MBLAC1: variants seen among roughly 807,000 people sequenced by gnomAD.
The protein encoded by MBLAC1 is metallo-beta-lactamase domain-containing protein 1.
In MBLAC1, 1 loss-of-function variant was observed where a neutral mutation model predicts 1.5. That is an observed-to-expected ratio of 0.68 (90% CI 0.24 to 3.21). The LOEUF (loss-of-function observed/expected upper bound fraction) is 3.21, where lower values mean the gene tolerates loss of function less well. Ranked by LOEUF, MBLAC1 falls within the 30% of genes most tolerant of loss-of-function variation. The pLI is 0.20. For synonymous variants in MBLAC1, 197 were observed against 191.3 expected (o/e 1.03, Z -0.25); for missense variants, 371 against 384.7 (o/e 0.96, Z 0.30).
Position 100,128,429 on chromosome 7 carries a change from C to A in MBLAC1, c.*233C>A. ...CAGCTCCCTGTGCATTCTCCCTGGG[C>A]CTCAGTAAAATGGGAGAAGGTTCGT... On this transcript the variant is annotated 3_prime_UTR_variant, in exon 2 of 2. Transcript: ENST00000398075. The A allele has an allele frequency of 2.0e-6, 1 of 501,110 alleles. No homozygotes were observed. The highest frequency in any genetic ancestry group is 3.6e-6 in the Non-Finnish European group (1 of 277,168). 31.0% of individuals were successfully genotyped at this position (501,110 alleles called of 1,614,324 possible). A position where few individuals can be genotyped will look rare whatever the true frequency, so the allele number is the denominator to read the frequency against.
chr7:100,127,279 G>A lies in MBLAC1; in HGVS notation c.-28-89G>A. 1 of 995,802 alleles carries A rather than the reference G, an allele frequency of 1.0e-6. No homozygotes were observed. The highest frequency in any genetic ancestry group is 1.4e-6 in the Non-Finnish European group (1 of 698,728). 61.7% of individuals were successfully genotyped at this position (995,802 alleles called of 1,614,324 possible). A position where few individuals can be genotyped will look rare whatever the true frequency, so the allele number is the denominator to read the frequency against. On this transcript the variant is annotated intron_variant, in intron 1 of 1. Transcript: ENST00000398075. This position sits in a 1 kb window ranked among gnomAD's most constrained non-coding sequence, Gnocchi z 4.6. Reference sequence around the variant, plus strand: ...TGGGAGGCGGGTGGCAGAGAACCGAGGCTTAGGGGCAGTGGCGGGGCCGAG... The same window carrying A: ...TGGGAGGCGGGTGGCAGAGAACCGAAGCTTAGGGGCAGTGGCGGGGCCGAG...
At position 100,127,856 on chromosome 7, in the gene MBLAC1, C is replaced by T. The variant is rs1425344171; in HGVS notation, c.461C>T (p.Pro154Leu). The change falls in exon 2 of 2, where the codon CCC becomes CTC. Residue 154 changes from proline to leucine, a missense_variant. Physicochemically the swap from Pro to Leu is moderately conservative, Grantham distance 98. Transcript: ENST00000398075. This position sits in a 1 kb window ranked among gnomAD's most constrained non-coding sequence, Gnocchi z 4.6. ...CCCCACGGGCTGGGTGAGGGGCAGC[C>T]CCTGCGCCTGGGCCCGGGGCTCGAG... is the stretch of plus-strand genomic sequence containing the variant. ...YLPHGLGEGQ[P>L]LRLGPGLEVW... 2.6e-6 allele frequency: 4 copies of T among 1,559,834 alleles called. No individual in the cohort carries two copies. Among genetic ancestry groups the T allele is most frequent in the South Asian group, 2.3e-5 (2 of 85,460 alleles).
At position 100,128,204 on chromosome 7, in the gene MBLAC1, C is replaced by G; in HGVS notation, c.*8C>G. On this transcript the variant is annotated 3_prime_UTR_variant, in exon 2 of 2. Coordinates refer to ENST00000398075, the MANE Select transcript of MBLAC1 (RefSeq NM_203397.3). ...GAGCCCGCCCTGCACTAATCAGCCT[C>G]GAGAGGGACTGCACTCTTGTCAGGG... 2 of 1,571,188 alleles carry G rather than the reference C, an allele frequency of 1.3e-6. No individual in the cohort carries two copies. The highest frequency in any genetic ancestry group is 2.3e-5 in the South Asian group (2 of 85,638).
rs762515084 is a variant in MBLAC1 at position 100,127,805 on chromosome 7, T to G, written c.410T>G (p.Phe137Cys). Residue 137 changes from phenylalanine to cysteine, a missense_variant, in exon 2 of 2, where the codon TTC becomes TGC. Coordinates refer to ENST00000398075, the MANE Select transcript of MBLAC1 (RefSeq NM_203397.3). This position sits in a 1 kb window ranked among gnomAD's most constrained non-coding sequence, Gnocchi z 4.6. ...PGAALLVSHDFCLPGGRYLPH... is the reference protein window; with the variant it reads ...PGAALLVSHDCCLPGGRYLPH... ...GCGGCTCTGCTGGTCTCGCACGACT[T>G]CTGCCTTCCCGGAGGCCGCTACCTG... The G allele has an allele frequency of 1.3e-6, 2 of 1,580,280 alleles. No homozygotes were observed. The highest frequency in any genetic ancestry group is 8.6e-7 in the Non-Finnish European group (1 of 1,162,870).
Position 100,127,574 on chromosome 7 carries a change from A to G in MBLAC1, c.179A>G (p.Glu60Gly). 7.0e-7 allele frequency: 1 copy of G among 1,429,122 alleles called. No homozygotes were observed. The highest frequency in any genetic ancestry group is 1.5e-5 in the South Asian group (1 of 66,454). The allele number at this position is 1,429,122 out of a possible 1,614,324, so 88.5% of individuals were successfully genotyped here. ...CGGGGCCCGGCCTCCAGCCACCGAG[A>G]GTCCCCGCGCGGGAGTGGCGGCGCA... Reference protein sequence around the residue: ...QTRGPASSHRESPRGSGGAEA... With the variant: ...QTRGPASSHRGSPRGSGGAEA... The change falls in exon 2 of 2, where the codon GAG (glutamate) becomes GGG (glycine). Residue 60 changes from glutamate to glycine, a missense_variant. Transcript: ENST00000398075. This position sits in a 1 kb window ranked among gnomAD's most constrained non-coding sequence, Gnocchi z 4.6.
At position 100,127,993 on chromosome 7, in the gene MBLAC1, G is replaced by C. The variant is rs753136685; in HGVS notation, c.598G>C (p.Glu200Gln). 2 of 1,613,206 alleles carry C rather than the reference G, an allele frequency of 1.2e-6. No individual in the cohort carries two copies. Among genetic ancestry groups the C allele is most frequent in the Admixed American group, 1.7e-5 (1 of 59,904 alleles). The change falls in exon 2 of 2, where the codon GAG becomes CAG. Residue 200 changes from glutamate to glutamine, a missense_variant. Physicochemically the swap from Glu to Gln is conservative, Grantham distance 29. Transcript: ENST00000398075. This position sits in a 1 kb window ranked among gnomAD's most constrained non-coding sequence, Gnocchi z 4.6. ...AGATGTGTTTGAGCGAGATGGGGAC[G>C]AGGATTCGTGGCAGGCACTGAGTGA... Reference protein sequence around the residue: ...AGDVFERDGDEDSWQALSEDP... With the variant: ...AGDVFERDGDQDSWQALSEDP...
In MBLAC1 at chr7:100,127,858, C is replaced by T; in HGVS notation, c.463C>T (p.Leu155=). Residue 155 remains leucine, a synonymous_variant, in exon 2 of 2, where the codon CTG becomes TTG. Coordinates refer to ENST00000398075, the MANE Select transcript of MBLAC1 (RefSeq NM_203397.3). This position sits in a 1 kb window ranked among gnomAD's most constrained non-coding sequence, Gnocchi z 4.6. ...CCACGGGCTGGGTGAGGGGCAGCCC[C>T]TGCGCCTGGGCCCGGGGCTCGAGGT... ...LPHGLGEGQP[L]RLGPGLEVWA... 2 of 1,559,632 alleles carry T rather than the reference C, an allele frequency of 1.3e-6. No homozygotes were observed. Among genetic ancestry groups the T allele is most frequent in the Non-Finnish European group, 1.7e-6 (2 of 1,151,040 alleles).
rs1399217770 is a variant in MBLAC1 at position 100,127,636 on chromosome 7, CTGG to C, written c.245_247del (p.Val82del). Reference sequence around the variant, plus strand: ...GGAGGAGGCGGCCCGTGGCCCCATCCTGGTGGACACCGGGGGCCCCTGGGCTCG... The same window carrying C: ...GGAGGAGGCGGCCCGTGGCCCCATCCTGGACACCGGGGGCCCCTGGGCTCG... On this transcript the variant is annotated inframe_deletion, in exon 2 of 2. Transcript: ENST00000398075. The surrounding 1 kb of genome is among the most constrained non-coding windows in gnomAD (Gnocchi z 4.6). 13 of 1,403,442 alleles carry C rather than the reference CTGG, an allele frequency of 9.3e-6. No individual in the cohort carries two copies. The highest frequency in any genetic ancestry group is 3.2e-5 in the South Asian group (2 of 63,080). 86.9% of individuals were successfully genotyped at this position (1,403,442 alleles called of 1,614,324 possible). A position where few individuals can be genotyped will look rare whatever the true frequency, so the allele number is the denominator to read the frequency against.
At position 100,127,128 on chromosome 7, in the gene MBLAC1, A is replaced by T; in HGVS notation, c.-29+64A>T. ...GGATAGCCTTTGGAGGGTGACGGGCAAGGACGTACGTACCGCGAACGGAAT... is the reference window on the plus strand; with the variant it reads ...GGATAGCCTTTGGAGGGTGACGGGCTAGGACGTACGTACCGCGAACGGAAT... On this transcript the variant is annotated intron_variant, in intron 1 of 1. Coordinates refer to ENST00000398075, the MANE Select transcript of MBLAC1 (RefSeq NM_203397.3). The surrounding 1 kb of genome is among the most constrained non-coding windows in gnomAD (Gnocchi z 4.6). The T allele has an allele frequency of 2.0e-6, 1 of 503,008 alleles. No individual in the cohort carries two copies. The highest frequency in any genetic ancestry group is 2.5e-5 in the South Asian group (1 of 40,070). 31.2% of individuals were successfully genotyped at this position (503,008 alleles called of 1,614,324 possible).
chr7:100,127,603 G>A lies in MBLAC1; in HGVS notation c.208G>A (p.Ala70Thr). 7.1e-7 allele frequency: 1 copy of A among 1,400,824 alleles called. No homozygotes were observed. The allele number at this position is 1,400,824 out of a possible 1,614,324, so 86.8% of individuals were successfully genotyped here. ...CCCGCGCGGGAGTGGCGGCGCAGAGGCCGCCCTGGAGGAGGCGGCCCGTGG... is the reference window on the plus strand; with the variant it reads ...CCCGCGCGGGAGTGGCGGCGCAGAGACCGCCCTGGAGGAGGCGGCCCGTGG... The part of the protein sequence containing the change: ...ESPRGSGGAE[A>T]ALEEAARGPI... Residue 70 changes from alanine (A) to threonine (T), a missense_variant, in exon 2 of 2, where the codon GCC (alanine) becomes ACC (threonine). By Grantham distance (58) the Ala-to-Thr change is moderately conservative. Transcript: ENST00000398075. This position sits in a 1 kb window ranked among gnomAD's most constrained non-coding sequence, Gnocchi z 4.6.
Position 100,128,220 on chromosome 7 carries a change from C to T in MBLAC1, c.*24C>T, listed in dbSNP as rs759667651. 2 of 1,544,592 alleles carry T rather than the reference C, an allele frequency of 1.3e-6. No individual in the cohort carries two copies. The highest frequency in any genetic ancestry group is 1.7e-4 in the Middle Eastern group (1 of 5,834). ...AATCAGCCTCGAGAGGGACTGCACT[C>T]TTGTCAGGGAAGCCCTAACAGCGAA... is the stretch of plus-strand genomic sequence containing the variant. On this transcript the variant is annotated 3_prime_UTR_variant, in exon 2 of 2. Coordinates refer to ENST00000398075, the MANE Select transcript of MBLAC1 (RefSeq NM_203397.3).
rs1798260595 is a variant in MBLAC1, at chr7:100,127,633, A to G, written c.238A>G (p.Ile80Val). The G allele has an allele frequency of 2.9e-6, 4 of 1,400,670 alleles. No homozygotes were observed. Among genetic ancestry groups the G allele is most frequent in the Admixed American group, 3.4e-5 (1 of 29,552 alleles). The allele number at this position is 1,400,670 out of a possible 1,614,324, so 86.8% of individuals were successfully genotyped here. The change falls in exon 2 of 2, where the codon ATC becomes GTC. Residue 80 changes from isoleucine to valine, a missense_variant. Coordinates refer to ENST00000398075, the MANE Select transcript of MBLAC1 (RefSeq NM_203397.3). The surrounding 1 kb of genome is among the most constrained non-coding windows in gnomAD (Gnocchi z 4.6). ...CCTGGAGGAGGCGGCCCGTGGCCCC[A>G]TCCTGGTGGACACCGGGGGCCCCTG... is the stretch of plus-strand genomic sequence containing the variant. ...AALEEAARGP[I>V]LVDTGGPWAR...
rs1360928936 is a variant in MBLAC1 at position 100,128,236 on chromosome 7, T to A, written c.*40T>A. ...GACTGCACTCTTGTCAGGGAAGCCC[T>A]AACAGCGAAGAGCTGCTGGAGACAG... On this transcript the variant is annotated 3_prime_UTR_variant, in exon 2 of 2. Transcript: ENST00000398075. 6.6e-7 allele frequency: 1 copy of A among 1,513,328 alleles called. No homozygotes were observed. The highest frequency in any genetic ancestry group is 8.9e-7 in the Non-Finnish European group (1 of 1,121,130). The allele number at this position is 1,513,328 out of a possible 1,614,324, so 93.7% of individuals were successfully genotyped here. A position where few individuals can be genotyped will look rare whatever the true frequency, so the allele number is the denominator to read the frequency against.
In MBLAC1 at chr7:100,128,017, G is replaced by GT; in HGVS notation, c.622_623insT (p.Glu208ValfsTer124). 6.2e-7 allele frequency: 1 copy of GT among 1,613,680 alleles called. No homozygotes were observed. The highest frequency in any genetic ancestry group is 8.5e-7 in the Non-Finnish European group (1 of 1,179,858). On this transcript the variant is annotated frameshift_variant, in exon 2 of 2. Transcript: ENST00000398075. LOFTEE classifies it low-confidence loss of function (END_TRUNC). ...CGAGGATTCGTGGCAGGCACTGAGT[G>GT]AAGACCCCGCAGCCCAGGAGCGGAG...
chr7:100,127,132 A>T lies in MBLAC1; in HGVS notation c.-29+68A>T. 2.0e-6 allele frequency: 1 copy of T among 510,804 alleles called. No individual in the cohort carries two copies. Among genetic ancestry groups the T allele is most frequent in the Non-Finnish European group, 3.5e-6 (1 of 287,654 alleles). 31.6% of individuals were successfully genotyped at this position (510,804 alleles called of 1,614,324 possible). On this transcript the variant is annotated intron_variant, in intron 1 of 1. Transcript: ENST00000398075. The surrounding 1 kb of genome is among the most constrained non-coding windows in gnomAD (Gnocchi z 4.6). Reference sequence around the variant, plus strand: ...AGCCTTTGGAGGGTGACGGGCAAGGACGTACGTACCGCGAACGGAATGGGG... The same window carrying T: ...AGCCTTTGGAGGGTGACGGGCAAGGTCGTACGTACCGCGAACGGAATGGGG...
At position 100,128,145 on chromosome 7, in the gene MBLAC1, G is replaced by A. The variant is rs1407165979; in HGVS notation, c.750G>A (p.Gly250=). Residue 250 remains glycine (G), a synonymous_variant, in exon 2 of 2, where the codon GGG becomes GGA. Coordinates refer to ENST00000398075, the MANE Select transcript of MBLAC1 (RefSeq NM_203397.3). The part of the protein sequence containing the change: ...EASQPETEGG[G]NSQQEPVVGD... ...CGCAGCCCGAGACGGAGGGTGGAGG[G>A]AACAGCCAGCAGGAGCCGGTGGTCG... is the stretch of plus-strand genomic sequence containing the variant. 3 of 1,605,364 alleles carry A rather than the reference G, an allele frequency of 1.9e-6. No individual in the cohort carries two copies. The highest frequency in any genetic ancestry group is 1.1e-5 in the South Asian group (1 of 89,652).
In MBLAC1 at chr7:100,128,199, A is replaced by T; in HGVS notation, c.*3A>T. The T allele has an allele frequency of 6.3e-7, 1 of 1,575,892 alleles. No homozygotes were observed. Among genetic ancestry groups the T allele is most frequent in the South Asian group, 1.2e-5 (1 of 86,258 alleles). On this transcript the variant is annotated 3_prime_UTR_variant, in exon 2 of 2. Coordinates refer to ENST00000398075, the MANE Select transcript of MBLAC1 (RefSeq NM_203397.3). ...ACGAGGAGCCCGCCCTGCACTAATC[A>T]GCCTCGAGAGGGACTGCACTCTTGT...
At position 100,128,428 on chromosome 7, in the gene MBLAC1, G is replaced by A; in HGVS notation, c.*232G>A. The A allele has an allele frequency of 2.0e-6, 1 of 503,776 alleles. No individual in the cohort carries two copies. Among genetic ancestry groups the A allele is most frequent in the Non-Finnish European group, 3.6e-6 (1 of 278,724 alleles). 31.2% of individuals were successfully genotyped at this position (503,776 alleles called of 1,614,324 possible). A position where few individuals can be genotyped will look rare whatever the true frequency, so the allele number is the denominator to read the frequency against. ...TCAGCTCCCTGTGCATTCTCCCTGG[G>A]CCTCAGTAAAATGGGAGAAGGTTCG... On this transcript the variant is annotated 3_prime_UTR_variant, in exon 2 of 2. Transcript: ENST00000398075.
chr7:100,127,429 C>G lies in MBLAC1; in HGVS notation c.34C>G (p.Leu12Val). Residue 12 changes from leucine (L) to valine (V), a missense_variant, in exon 2 of 2, where the codon CTG becomes GTG. Coordinates refer to ENST00000398075, the MANE Select transcript of MBLAC1 (RefSeq NM_203397.3). The surrounding 1 kb of genome is among the most constrained non-coding windows in gnomAD (Gnocchi z 4.6). ...CGAGCCGCTGTGCGGGGCATCCCCT[C>G]TGCTGGTGCCCGGCGACCCCTACTC... is the stretch of plus-strand genomic sequence containing the variant. Reference protein sequence around the residue: ...RTEPLCGASPLLVPGDPYSVV... With the variant: ...RTEPLCGASPVLVPGDPYSVV... 6.3e-7 allele frequency: 1 copy of G among 1,594,448 alleles called. No individual in the cohort carries two copies.
Sources: gnomAD v4.1 joint callset for allele counts on GRCh38, gnomAD v4.1.1 for gene constraint, Gnocchi (gnomAD v3.1) non-coding constraint, MANE v1.5 for transcripts, NCBI Gene and HGNC (gene_info 2026-07-23, HGNC 2026-07-21) for gene names.